USP34: variants seen among roughly 807,000 people sequenced by gnomAD.
USP34 encodes the protein ubiquitin carboxyl-terminal hydrolase 34.
USP34 carries 70 observed loss-of-function variants against 460.3 expected under a neutral mutation model. The observed-to-expected ratio is 0.15, with a 90% CI of 0.13 to 0.19. USP34 has a LOEUF of 0.19. Ranked by LOEUF, USP34 falls within the 10% of genes least tolerant of loss-of-function variation. USP34 has a pLI of 1.00. For missense variants in USP34, 3,985 were observed against 4,236.2 expected (o/e 0.94, Z 1.65); for synonymous variants, 1,647 against 1,405.3 (o/e 1.17, Z -3.85).
intron 65 of USP34, among the ~76,000 whole-genome samples, chr2:61,222,224 G>C (rs892571357): frequency 1.3e-5 from 2 of 152,164 alleles, no homozygotes; most frequent in African/African-American, 2.4e-5. Context: ...TGTTAAAATA[G>C]CTATAGCATT....
intron 20 of USP34, 41 bp from the exon 21 acceptor site, chr2:61,325,498 T>C: frequency 7.6e-7 from 1 of 1,311,446 alleles, no homozygotes; most frequent in South Asian, 1.6e-5. Flanking sequence ...ATATCCTATT[T>C]CTTAATTACT....
intron 10 of USP34, among the ~76,000 whole-genome samples, chr2:61,356,354 T>G (rs906184900): frequency 3.3e-5 from 5 of 152,016 alleles, no homozygotes; most frequent in African/African-American, 1.2e-4. Flanking sequence ...TCAGGCACGG[T>G]GGGCATGTGC....
At position 61,278,449 on chromosome 2, in the gene USP34, T is replaced by C. The variant is rs767139520; in HGVS notation, c.5257-6A>G. On this transcript the variant is annotated splice_region_variant and splice_polypyrimidine_tract_variant and intron_variant, in intron 39 of 79. Coordinates refer to ENST00000398571, the MANE Select transcript of USP34 (RefSeq NM_014709.4). The stretch of plus-strand genomic sequence containing the variant: ...TCTAAGTCGAGGAGCGTTGTCTTAA[T>C]ACAAAAAGAAAATAAAAATTCAAAT... The C allele has an allele frequency of 3.5e-5, 53 of 1,526,702 alleles. No individual in the cohort carries two copies. Among genetic ancestry groups the C allele is most frequent in the Admixed American group, 9.3e-5 (4 of 43,042 alleles). 94.6% of individuals were successfully genotyped at this position (1,526,702 alleles called of 1,614,324 possible).
intron 13 of USP34, 29 bp from the exon 14 acceptor site, chr2:61,348,915 T>C (rs758357227): frequency 1.3e-6 from 2 of 1,581,312 alleles, no homozygotes; most frequent in Non-Finnish European, 1.7e-6. Flanking sequence ...TTGTTTTTAC[T>C]TCTAATTTAT....
chr2:61,394,103 A>G (rs1693440703), intron 5 of USP34, among the ~76,000 whole-genome samples: 1 of 152,158 alleles, frequency 6.6e-6, no homozygotes, highest in Admixed American at 6.6e-5. Context: ...CCTGGGGAAC[A>G]AAGTGAGACT....
intron 75 of USP34, chr2:61,193,975 A>G (rs932904546): frequency 5.8e-6 from 2 of 342,360 alleles, no homozygotes; most frequent in African/African-American, 4.5e-5. Context: ...GGAATCTCAT[A>G]ATTTTCATGT....
At chr2:61,446,057 T>C (rs372339515) in intron 1 of USP34, among the ~76,000 whole-genome samples, 2 of 137,500 alleles carry the variant, frequency 1.5e-5, no homozygotes, top group African/African-American at 2.8e-5. Flanking sequence ...GAGATTACAG[T>C]GAGCCAGGAT....
At chr2:61,458,119 TA>T (rs1332798235) in intron 1 of USP34, among the ~76,000 whole-genome samples, 2 of 152,114 alleles carry the variant, frequency 1.3e-5, no homozygotes, top group Admixed American at 6.6e-5. Context: ...TCTCATAGAA[TA>T]AAAAAATTAC....
At chr2:61,377,794 T>A (rs1447529895) in intron 8 of USP34, among the ~76,000 whole-genome samples, 1 of 152,172 alleles carries the variant, frequency 6.6e-6, no homozygotes, top group African/African-American at 2.4e-5. Flanking sequence ...AAACTATCAG[T>A]ACCATATTTT....
At chr2:61,255,000 G>A (rs1028933681) in intron 48 of USP34, among the ~76,000 whole-genome samples, 4 of 152,130 alleles carry the variant, frequency 2.6e-5, no homozygotes, top group Admixed American at 6.5e-5. Flanking sequence ...TGCATGCCAC[G>A]TCTGGCTAAT....
chr2:61,350,247 T>A lies in USP34; in HGVS notation c.1507+13A>T. 4 of 1,587,682 alleles carry A rather than the reference T, an allele frequency of 2.5e-6. 1 individual carries two copies. Among genetic ancestry groups the A allele is most frequent in the Non-Finnish European group, 3.4e-6 (4 of 1,167,042 alleles). On this transcript the variant is annotated intron_variant, in intron 12 of 79. Coordinates refer to ENST00000398571, the MANE Select transcript of USP34 (RefSeq NM_014709.4). ...TCTCAACAATTTACTTCAAAATACA[T>A]GACATTACTAACCTTTCTTATTTCC...
intron 67 of USP34, among the ~76,000 whole-genome samples, chr2:61,219,329 A>G (rs1258366994): frequency 6.6e-6 from 1 of 152,148 alleles, no homozygotes; most frequent in East Asian, 1.9e-4. Context: ...AAAATCAGTG[A>G]TTTCTCCTAG....
At chr2:61,376,533 G>A (rs950113465) in intron 8 of USP34, among the ~76,000 whole-genome samples, 13 of 152,220 alleles carry the variant, frequency 8.5e-5, no homozygotes, top group Non-Finnish European at 1.2e-4. Context: ...GATGAGAGGA[G>A]TATGAATATC....
chr2:61,428,821 A>G (rs976672825), intron 1 of USP34, among the ~76,000 whole-genome samples: 1 of 152,232 alleles, frequency 6.6e-6, no homozygotes, highest in East Asian at 1.9e-4. Context: ...GTTTGAAAAT[A>G]AAGAGAGAAA....
intron 43 of USP34, 38 bp downstream of exon 43, chr2:61,265,359 G>A: frequency 1.3e-6 from 2 of 1,567,680 alleles, no homozygotes; most frequent in Non-Finnish European, 1.7e-6. Context: ...TTAAAATCTG[G>A]TTTATAATTT....
intron 1 of USP34, among the ~76,000 whole-genome samples, chr2:61,431,652 C>G (rs778499806): frequency 7.2e-5 from 11 of 152,046 alleles, no homozygotes; most frequent in African/African-American, 9.7e-5. Context: ...GTTAGGAGTT[C>G]GAGACCAGCC....
Position 61,220,636 on chromosome 2 carries a change from G to T in USP34, c.7900-179C>A, listed in dbSNP as rs748994369. Among the ~76,000 whole-genome samples, 71 of 152,046 alleles carry T rather than the reference G, an allele frequency of 4.7e-4. 2 individuals carry two copies. The highest frequency in any genetic ancestry group is 1.8e-4 in the Non-Finnish European group (12 of 67,996). The stretch of plus-strand genomic sequence containing the variant: ...AAGCTACTTTTACTTTTATCAACAG[G>T]AAGTGTTCAGAAAAATATGTCACTG... On this transcript the variant is annotated intron_variant, in intron 66 of 79. Transcript: ENST00000398571.
Position 61,221,552 on chromosome 2 carries a change from G to C in USP34, c.7849C>G (p.Pro2617Ala). Reference protein sequence around the residue: ...LTMLMEFAGGPPGMPPFASYI... With the variant: ...LTMLMEFAGGAPGMPPFASYI... ...GATGCAAAGGGAGGCATTCCTGGAG[G>C]TCCACCAGCAAACTCCATTAGCATA... Residue 2617 changes from proline (P) to alanine (A), a missense_variant, in exon 66 of 80, where the codon CCT (proline) becomes GCT (alanine). Transcript: ENST00000398571. The C allele has an allele frequency of 6.2e-7, 1 of 1,614,050 alleles. No individual in the cohort carries two copies. The highest frequency in any genetic ancestry group is 8.5e-7 in the Non-Finnish European group (1 of 1,179,956).
intron 16 of USP34, among the ~76,000 whole-genome samples, chr2:61,342,403 C>G (rs369324292): frequency 6.8e-6 from 1 of 146,294 alleles, no homozygotes; most frequent in African/African-American, 2.5e-5. Context: ...TGGGTTCAAG[C>G]GATTCTCCTG....
Sources: allele counts gnomAD v4.1 joint callset (sites outside exome capture counted in the v4.1 genomes callset), GRCh38; gene constraint gnomAD v4.1.1; transcripts MANE v1.5; gene names NCBI Gene and HGNC (gene_info 2026-07-23, HGNC 2026-07-21).